LHFPL6: variants seen among roughly 807,000 people sequenced by gnomAD.
LHFPL6 encodes LHFPL tetraspan subfamily member 6.
A neutral mutation model predicts 20.6 loss-of-function variants in LHFPL6; 9 were observed. The observed-to-expected ratio is 0.44, with a 90% CI of 0.26 to 0.76. LHFPL6 has a LOEUF of 0.76. LHFPL6 is among the 30% of genes least tolerant of loss of function. LHFPL6 has a pLI of 0.20. For synonymous variants in LHFPL6, 105 were observed against 98.7 expected (o/e 1.06, Z -0.38); for missense variants, 218 against 253.5 (o/e 0.86, Z 0.95).
intron 3 of LHFPL6, among the ~76,000 whole-genome samples, chr13:39,367,929 A>G (rs1432322093): frequency 6.6e-6 from 1 of 152,222 alleles, no homozygotes; most frequent in Non-Finnish European, 1.5e-5. Context: ...ACTTAGCCAG[A>G]TATCAATTAA....
chr13:39,402,574 A>G (rs1444278070), intron 2 of LHFPL6, among the ~76,000 whole-genome samples: 1 of 152,204 alleles, frequency 6.6e-6, no homozygotes, highest in East Asian at 1.9e-4. Flanking sequence ...AAGAAAATGT[A>G]AAATGGCATA....
intron 2 of LHFPL6, among the ~76,000 whole-genome samples, chr13:39,390,819 A>T (rs971428198): frequency 1.3e-5 from 2 of 152,018 alleles, no homozygotes; most frequent in Admixed American, 6.6e-5. Flanking sequence ...ACATGGTGAA[A>T]CCCCATCTAT....
intron 3 of LHFPL6, among the ~76,000 whole-genome samples, chr13:39,349,111 T>C (rs1445225421): frequency 6.6e-6 from 1 of 152,186 alleles, no homozygotes; most frequent in Non-Finnish European, 1.5e-5. Context: ...AGGTCCAAAA[T>C]GAGCTGTTAA....
intron 2 of LHFPL6, among the ~76,000 whole-genome samples, chr13:39,525,109 G>A (rs774838129): frequency 2.6e-5 from 4 of 152,184 alleles, no homozygotes; most frequent in Admixed American, 6.5e-5. Flanking sequence ...GTTTGAGTTC[G>A]ATACAAAGGA....
chr13:39,422,295 T>G (rs1268123298), intron 2 of LHFPL6, among the ~76,000 whole-genome samples: 3 of 151,994 alleles, frequency 2.0e-5, no homozygotes, highest in Non-Finnish European at 2.9e-5. Context: ...GCTGGTGCAG[T>G]TAACGTCAAG....
chr13:39,571,903 G>A (rs1025524796), intron 2 of LHFPL6, among the ~76,000 whole-genome samples: 3 of 152,330 alleles, frequency 2.0e-5, no homozygotes, highest in South Asian at 4.1e-4. Context: ...GTGGCTGGCC[G>A]GATCCTACGC....
At chr13:39,466,211 GT>G (rs1872802342) in intron 2 of LHFPL6, among the ~76,000 whole-genome samples, 1 of 152,096 alleles carries the variant, frequency 6.6e-6, no homozygotes, top group South Asian at 2.1e-4. Flanking sequence ...GAGTTTGTTT[GT>G]TTGATTGATT....
At chr13:39,527,478 C>T (rs1870326910) in intron 2 of LHFPL6, among the ~76,000 whole-genome samples, 1 of 151,570 alleles carries the variant, frequency 6.6e-6, no homozygotes, top group Non-Finnish European at 1.5e-5. Context: ...CTTTGAACAA[C>T]CGACAACATG....
At chr13:39,546,575 C>T (rs1368782101) in intron 2 of LHFPL6, among the ~76,000 whole-genome samples, 1 of 152,090 alleles carries the variant, frequency 6.6e-6, no homozygotes, top group East Asian at 1.9e-4. Flanking sequence ...GGTTTTACAA[C>T]CCTCCAGCTG....
chr13:39,561,136 C>T (rs74046554), intron 2 of LHFPL6, among the ~76,000 whole-genome samples: 7,074 of 151,916 alleles, frequency 0.047, 343 homozygotes, highest in African/African-American at 0.11. Context: ...CTATTCAGGG[C>T]CCAAGTCACT....
At chr13:39,392,945 C>T (rs907846414) in intron 2 of LHFPL6, among the ~76,000 whole-genome samples, 5 of 152,062 alleles carry the variant, frequency 3.3e-5, no homozygotes, top group Non-Finnish European at 7.4e-5. Flanking sequence ...ACACTGAACA[C>T]GCAAACTTCT....
intron 2 of LHFPL6, among the ~76,000 whole-genome samples, chr13:39,529,114 C>T (rs1291106408): frequency 6.6e-6 from 1 of 151,694 alleles, no homozygotes; most frequent in Non-Finnish European, 1.5e-5. Context: ...CTTCTTGAGG[C>T]AGAGTCCCAC....
At chr13:39,353,664 G>A (rs1021010732) in intron 3 of LHFPL6, among the ~76,000 whole-genome samples, 5 of 152,112 alleles carry the variant, frequency 3.3e-5, no homozygotes, top group African/African-American at 1.2e-4. Context: ...GGAGGCGGAG[G>A]TTGCAGTGAG....
intron 2 of LHFPL6, among the ~76,000 whole-genome samples, chr13:39,456,856 G>A (rs567024588): frequency 6.6e-6 from 1 of 151,962 alleles, no homozygotes; most frequent in Non-Finnish European, 1.5e-5. Flanking sequence ...GAGTGCAATG[G>A]CGTGATCTCG....
At chr13:39,532,801 T>C (rs1474307146) in intron 2 of LHFPL6, among the ~76,000 whole-genome samples, 2 of 152,224 alleles carry the variant, frequency 1.3e-5, no homozygotes, top group Non-Finnish European at 2.9e-5. Flanking sequence ...AAGAGATTCA[T>C]GGCCAAATTA....
At chr13:39,383,122 C>T (rs1293938288) in intron 2 of LHFPL6, among the ~76,000 whole-genome samples, 6 of 152,204 alleles carry the variant, frequency 3.9e-5, no homozygotes, top group East Asian at 1.9e-4. Flanking sequence ...TAAGCTGGCA[C>T]GAAAAAGAGT....
chr13:39,585,219 T>G (rs1396717381), intron 2 of LHFPL6, among the ~76,000 whole-genome samples: 1 of 152,224 alleles, frequency 6.6e-6, no homozygotes, highest in South Asian at 2.1e-4. Flanking sequence ...AGGAAATCCA[T>G]GCCTCATACA....
At position 39,519,921 on chromosome 13, in the gene LHFPL6, C is replaced by T. The variant is rs549633900; in HGVS notation, c.385+80911G>A. On this transcript the variant is annotated intron_variant, in intron 2 of 3. Coordinates refer to ENST00000379589, the MANE Select transcript of LHFPL6 (RefSeq NM_005780.3). ...AGCCACTGTTTGCAGACATATAGTC[C>T]CCTGGTTCACACACTAACCACCGGA... is the stretch of plus-strand genomic sequence containing the variant. 1.8e-4 allele frequency among the ~76,000 whole-genome samples: 27 copies of T among 152,174 alleles called. No individual in the cohort carries two copies. The South Asian group carries it at 4.8e-3, about 27-fold the overall frequency.
intron 2 of LHFPL6, among the ~76,000 whole-genome samples, chr13:39,562,552 A>G (rs1871552319): frequency 1.2e-5 from 1 of 84,990 alleles, no homozygotes. Flanking sequence ...ATATACATAT[A>G]TACACATACA....
Sources: gnomAD v4.1 joint callset for allele counts (sites outside exome capture counted in the v4.1 genomes callset) on GRCh38, gnomAD v4.1.1 for gene constraint, MANE v1.5 for transcripts, NCBI Gene and HGNC (gene_info 2026-07-23, HGNC 2026-07-21) for gene names.